Variants in RIC1 observed in about 807,000 individuals in gnomAD.
RIC1 encodes the protein RIC1 partner of RAB6A GEF complex, also known as guanine nucleotide exchange factor subunit RIC1.
RIC1 carries 88 observed loss-of-function variants against 169.0 expected under a neutral mutation model. The observed-to-expected ratio is 0.52, with a 90% confidence interval of 0.44 to 0.62. The LOEUF (loss-of-function observed/expected upper bound fraction) is 0.62, where lower values mean the gene tolerates loss of function less well. RIC1 is among the 20% of genes least tolerant of loss of function. The probability of loss-of-function intolerance (pLI) is 0.00; values close to 1 mark genes in which losing one functional copy is unlikely to be tolerated. For missense variants in RIC1, 1,877 were observed against 1,725.5 expected, an observed-to-expected ratio of 1.09 and a Z score of -1.56; for synonymous variants, 790 against 601.5, an observed-to-expected ratio of 1.31 and a Z score of -4.59.
At chr9:5,681,502 G>A (rs1820837331) in intron 2 of RIC1, among the ~76,000 whole-genome samples, 1 of 152,200 alleles carries the variant, frequency 6.6e-6, no homozygotes, top group African/African-American at 2.4e-5. Flanking sequence ...ACTATGGTCT[G>A]ACAGACAGTT....
At chr9:5,717,701 T>C (rs951018524) in intron 4 of RIC1, among the ~76,000 whole-genome samples, 2 of 151,564 alleles carry the variant, frequency 1.3e-5, no homozygotes, top group Non-Finnish European at 2.9e-5. Flanking sequence ...AAAAATTAGC[T>C]GGGCGTGGTG....
intron 2 of RIC1, among the ~76,000 whole-genome samples, chr9:5,684,271 TCCACCCCCCCCCCCCCCCCCC>T (rs1821063940): frequency 2.2e-4 from 2 of 9,294 alleles, no homozygotes; most frequent in South Asian, 3.8e-3. Context: ...CCATCTTGGC[TCCACCCCCCCCCCCCCCCCCC>T]CCCCCCCCCG....
intron 3 of RIC1, among the ~76,000 whole-genome samples, chr9:5,708,286 T>C (rs1285097569): frequency 2.0e-5 from 3 of 152,196 alleles, no homozygotes; most frequent in Non-Finnish European, 4.4e-5. Context: ...CACTTGTCTT[T>C]TGAGTCATAT....
chr9:5,763,262 G>A lies in RIC1; in HGVS notation c.2235G>A (p.Gly745=), dbSNP rs1244627735. 6.2e-7 allele frequency: 1 copy of A among 1,614,014 alleles called. No homozygotes were observed. The highest frequency in any genetic ancestry group is 8.5e-7 in the Non-Finnish European group (1 of 1,180,032). ...TCTGGCTGAGCTGTGGTGGTGCAGG[G>A]ATGAAAGTTTGGCTCCCTCTCTTCC... ...EALWLSCGGA[G]MKVWLPLFPR... Residue 745 remains glycine, a synonymous_variant, in exon 19 of 26, where the codon GGG becomes GGA. Transcript: ENST00000414202. This position sits in a 1 kb window ranked among gnomAD's most constrained non-coding sequence, Gnocchi z 5.2.
chr9:5,698,932 C>G (rs1276276781), intron 3 of RIC1, among the ~76,000 whole-genome samples: 2 of 152,114 alleles, frequency 1.3e-5, no homozygotes, highest in Non-Finnish European at 2.9e-5. Flanking sequence ...TGAAGAATGA[C>G]AAAACTTTAA....
chr9:5,731,346 C>G (rs1208280425), intron 6 of RIC1, among the ~76,000 whole-genome samples: 1 of 151,930 alleles, frequency 6.6e-6, no homozygotes, highest in African/African-American at 2.4e-5. Context: ...CATAAAATGT[C>G]CAGTTTTATT....
rs988603538 is a variant in RIC1 at position 5,738,570 on chromosome 9, A to G, written c.901+32A>G. 9.5e-6 allele frequency: 11 copies of G among 1,161,080 alleles called. No homozygotes were observed. The African/African-American group carries it at 1.8e-4, about 19-fold the overall frequency. 71.9% of individuals were successfully genotyped at this position (1,161,080 alleles called of 1,614,324 possible). On this transcript the variant is annotated intron_variant, in intron 8 of 25. Transcript: ENST00000414202. Reference sequence around the variant, plus strand: ...CTTTTTTTTTTTTTTTTTTTTTAACATTTTTAATGTACTGGTATTGCCATT... The same window carrying G: ...CTTTTTTTTTTTTTTTTTTTTTAACGTTTTTAATGTACTGGTATTGCCATT...
At chr9:5,697,238 C>A (rs1384427225) in intron 3 of RIC1, among the ~76,000 whole-genome samples, 1 of 152,200 alleles carries the variant, frequency 6.6e-6, no homozygotes, top group Non-Finnish European at 1.5e-5. Context: ...CTCAACTTAA[C>A]AAGGCTGCCA....
In RIC1 at chr9:5,738,430, T is replaced by A. The variant is rs1277529338; in HGVS notation, c.813-20T>A. The A allele has an allele frequency of 1.9e-6, 3 of 1,542,246 alleles. No homozygotes were observed. On this transcript the variant is annotated intron_variant, in intron 7 of 25. Coordinates refer to ENST00000414202, the MANE Select transcript of RIC1 (RefSeq NM_020829.4). ...TATTTGTCTTTTTTCACTAAAAGTT[T>A]TTCGTTGTTGTTTTCACAGTGGTTC...
chr9:5,691,623 G>T (rs948510128), intron 3 of RIC1, among the ~76,000 whole-genome samples: 1 of 151,792 alleles, frequency 6.6e-6, no homozygotes, highest in Non-Finnish European at 1.5e-5. Context: ...ACTGAAAAAA[G>T]AATTTTTTTG....
intron 6 of RIC1, among the ~76,000 whole-genome samples, chr9:5,724,223 C>T (rs1823806891): frequency 6.6e-6 from 1 of 152,178 alleles, no homozygotes; most frequent in Non-Finnish European, 1.5e-5. Flanking sequence ...TTTGTGTCCT[C>T]TTTTATTTCG....
At chr9:5,681,314 C>T (rs1820821681) in intron 2 of RIC1, among the ~76,000 whole-genome samples, 1 of 152,012 alleles carries the variant, frequency 6.6e-6, no homozygotes, top group Non-Finnish European at 1.5e-5. Context: ...TATAAAATTC[C>T]CTCTACGCAC....
chr9:5,699,255 TC>T (rs1822078451), intron 3 of RIC1, among the ~76,000 whole-genome samples: 1 of 152,274 alleles, frequency 6.6e-6, no homozygotes, highest in East Asian at 1.9e-4. Context: ...TCCTCCCACA[TC>T]CCAAAGATGT....
chr9:5,731,228 G>A (rs541453837), intron 6 of RIC1, among the ~76,000 whole-genome samples: 2 of 152,234 alleles, frequency 1.3e-5, no homozygotes, highest in East Asian at 3.9e-4. Flanking sequence ...ACCTAGAGCA[G>A]TGCCTGGTGA....
Position 5,629,309 on chromosome 9 carries a change from C to G in RIC1, c.-1C>G. On this transcript the variant is annotated 5_prime_UTR_variant, in exon 1 of 26. Transcript: ENST00000414202. Reference sequence around the variant, plus strand: ...GGGGCGCCGGGGGCTCCGCACGGACCATGTATTTTCTGAGCGGCTGGCCCA... The same window carrying G: ...GGGGCGCCGGGGGCTCCGCACGGACGATGTATTTTCTGAGCGGCTGGCCCA... 6.6e-7 allele frequency: 1 copy of G among 1,520,204 alleles called. No individual in the cohort carries two copies. The highest frequency in any genetic ancestry group is 2.6e-5 in the East Asian group (1 of 38,778). 94.2% of individuals were successfully genotyped at this position (1,520,204 alleles called of 1,614,324 possible). A position where few individuals can be genotyped will look rare whatever the true frequency, so the allele number is the denominator to read the frequency against.
intron 3 of RIC1, among the ~76,000 whole-genome samples, chr9:5,698,079 C>T (rs933019149): frequency 4.6e-5 from 7 of 152,086 alleles, no homozygotes; most frequent in African/African-American, 1.4e-4. Flanking sequence ...TCCCCCACAC[C>T]CCAAATCTAT....
intron 6 of RIC1, among the ~76,000 whole-genome samples, chr9:5,722,579 T>G (rs1181282162): frequency 6.6e-6 from 1 of 152,152 alleles, no homozygotes; most frequent in Non-Finnish European, 1.5e-5. Context: ...TTTACTTTTT[T>G]AAGTTCTAGG....
At chr9:5,730,772 A>C (rs990558057) in intron 6 of RIC1, among the ~76,000 whole-genome samples, 4 of 152,128 alleles carry the variant, frequency 2.6e-5, no homozygotes, top group Admixed American at 6.5e-5. Context: ...ATGACAGAAA[A>C]GTTTAAAAAA....
In RIC1 at chr9:5,679,163, G is replaced by A. The variant is rs962219897; in HGVS notation, c.253-10796G>A. 2.0e-5 allele frequency among the ~76,000 whole-genome samples: 3 copies of A among 152,230 alleles called. No individual in the cohort carries two copies. In the South Asian group the frequency reaches 6.2e-4, roughly 32 times the overall value. ...CAAGATCAGATAGTTGTAGATATGTGGCATTATTTCTGAGGGCTCTGTTCT... is the reference window on the plus strand; with the variant it reads ...CAAGATCAGATAGTTGTAGATATGTAGCATTATTTCTGAGGGCTCTGTTCT... On this transcript the variant is annotated intron_variant, in intron 2 of 25. Transcript: ENST00000414202.
Sources: allele counts gnomAD v4.1 joint callset (sites outside exome capture counted in the v4.1 genomes callset), GRCh38; gene constraint gnomAD v4.1.1; non-coding constraint Gnocchi (gnomAD v3.1); transcripts MANE v1.5; gene names NCBI Gene and HGNC (gene_info 2026-07-23, HGNC 2026-07-21).